The following SH3BGRL variants were observed in gnomAD, a reference collection of about 807,000 sequenced individuals.
SH3BGRL encodes the protein adapter SH3BGRL.
A neutral mutation model predicts 9.8 loss-of-function variants in SH3BGRL; 7 were observed. The observed-to-expected ratio is 0.72, with a 90% CI of 0.41 to 1.35. SH3BGRL has a LOEUF of 1.35. Ranked by LOEUF, SH3BGRL falls within the 40% of genes most tolerant of loss-of-function variation. SH3BGRL has a pLI of 0.01. For missense variants in SH3BGRL, 73 were observed against 84.4 expected (o/e 0.86, Z 0.53); for synonymous variants, 36 against 29.1 (o/e 1.24, Z -0.76).
At chrX:81,204,308 A>C (rs2075539166) in intron 1 of SH3BGRL, among the ~76,000 whole-genome samples, 1 of 112,179 alleles carries the variant, frequency 8.9e-6, no homozygotes, top group South Asian at 3.6e-4. Flanking sequence ...AAACAGTGTA[A>C]AGTGAGTACT....
chrX:81,219,913 A>G (rs1262126905), intron 1 of SH3BGRL, among the ~76,000 whole-genome samples: 1 of 111,640 alleles, frequency 9.0e-6, no homozygotes, highest in Non-Finnish European at 1.9e-5. Context: ...GATATGATGT[A>G]TTACATTGAT....
chrX:81,276,891 A>G (rs1260180242), intron 1 of SH3BGRL, 93 bp from the exon 2 acceptor site: 16 of 742,847 alleles, frequency 2.2e-5, no homozygotes, highest in Non-Finnish European at 3.1e-5. Context: ...TGAAACCACA[A>G]TCTTTGTTCT....
intron 1 of SH3BGRL, among the ~76,000 whole-genome samples, chrX:81,256,712 C>A (rs747540864): frequency 1.8e-5 from 2 of 112,324 alleles, no homozygotes; most frequent in African/African-American, 6.5e-5. Context: ...GATCGTGCTA[C>A]CTAGCAACTA....
At chrX:81,247,500 G>A (rs930522346) in intron 1 of SH3BGRL, among the ~76,000 whole-genome samples, 1 of 111,554 alleles carries the variant, frequency 9.0e-6, no homozygotes, top group African/African-American at 3.3e-5. Flanking sequence ...AGTTTCTTGA[G>A]GGTTTTTATC....
intron 3 of SH3BGRL, among the ~76,000 whole-genome samples, chrX:81,290,510 T>C (rs772879159): frequency 1.3e-4 from 14 of 111,097 alleles, no homozygotes; most frequent in Middle Eastern, 4.6e-3. Context: ...CACTTATTTG[T>C]GGGATCTAAA....
At chrX:81,262,377 G>A (rs1304860435) in intron 1 of SH3BGRL, among the ~76,000 whole-genome samples, 1 of 111,346 alleles carries the variant, frequency 9.0e-6, no homozygotes, top group African/African-American at 3.3e-5. Flanking sequence ...TCTTCTTTGT[G>A]GTATTTGTCC....
intron 3 of SH3BGRL, among the ~76,000 whole-genome samples, chrX:81,288,592 C>T (rs2075845589): frequency 8.9e-6 from 1 of 112,362 alleles, no homozygotes; most frequent in Admixed American, 9.4e-5. Context: ...AGTAAAGTTG[C>T]AGGATGCAAA....
chrX:81,252,426 A>G (rs905526141), intron 1 of SH3BGRL, among the ~76,000 whole-genome samples: 12 of 112,038 alleles, frequency 1.1e-4, no homozygotes, highest in African/African-American at 3.9e-4. Flanking sequence ...AAATCATTCC[A>G]GTTGTGCATA....
intron 1 of SH3BGRL, among the ~76,000 whole-genome samples, chrX:81,206,043 T>TA (rs1008939137): frequency 8.9e-6 from 1 of 111,918 alleles, no homozygotes; most frequent in African/African-American, 3.2e-5. Context: ...ATTTGCCATT[T>TA]AAAAAAATTG....
At chrX:81,244,377 C>T (rs983049104) in intron 1 of SH3BGRL, among the ~76,000 whole-genome samples, 6 of 111,737 alleles carry the variant, frequency 5.4e-5, no homozygotes, top group African/African-American at 2.0e-4. Flanking sequence ...TGACAGGGTA[C>T]ATTTCTATGA....
At chrX:81,245,411 G>C (rs1353253490) in intron 1 of SH3BGRL, among the ~76,000 whole-genome samples, 1 of 111,478 alleles carries the variant, frequency 9.0e-6, no homozygotes, top group African/African-American at 3.3e-5. Context: ...ATATAGGTAT[G>C]TATATATTTT....
chrX:81,271,363 C>T lies in SH3BGRL; in HGVS notation c.46-5621C>T, dbSNP rs1402604079. On this transcript the variant is annotated intron_variant, in intron 1 of 3. Transcript: ENST00000373212. ...CTGCGAGTTGTAGACCAGAGCTGTT[C>T]CTGTTTGGCCATCTTGGAAGTGATC... 7.1e-5 allele frequency among the ~76,000 whole-genome samples: 8 copies of T among 112,024 alleles called. No individual in the cohort carries two copies. The Admixed American group carries it at 7.6e-4, about 11-fold the overall frequency.
chrX:81,218,667 G>GTATA (rs762835108), intron 1 of SH3BGRL, among the ~76,000 whole-genome samples: 3 of 98,827 alleles, frequency 3.0e-5, no homozygotes, highest in Non-Finnish European at 6.1e-5. Flanking sequence ...ATATCTGTAT[G>GTATA]TATATATATA....
intron 1 of SH3BGRL, among the ~76,000 whole-genome samples, chrX:81,229,479 G>T (rs1352597494): frequency 9.0e-6 from 1 of 111,539 alleles, no homozygotes; most frequent in Non-Finnish European, 1.9e-5. Flanking sequence ...ATGTGAGCTT[G>T]GAGAATGATT....
chrX:81,278,323 T>C lies in SH3BGRL; in HGVS notation c.232-8T>C, dbSNP rs767170569. 7 of 1,153,685 alleles carry C rather than the reference T, an allele frequency of 6.1e-6. No individual in the cohort carries two copies. The highest frequency in any genetic ancestry group is 8.2e-6 in the Non-Finnish European group (7 of 854,370). ...ATTGCTAATTCATCTTATCTTCTTT[T>C]CATCAAGGACTATGATGCCTTCTTT... On this transcript the variant is annotated splice_region_variant and splice_polypyrimidine_tract_variant and intron_variant, in intron 2 of 3. Coordinates refer to ENST00000373212, the MANE Select transcript of SH3BGRL (RefSeq NM_003022.3).
intron 1 of SH3BGRL, among the ~76,000 whole-genome samples, chrX:81,249,208 A>G (rs1039454109): frequency 1.8e-5 from 2 of 112,770 alleles, no homozygotes; most frequent in Non-Finnish European, 3.7e-5. Context: ...GTCTCAGCTC[A>G]ATAAATAGTT....
At chrX:81,268,179 T>C (rs895600953) in intron 1 of SH3BGRL, among the ~76,000 whole-genome samples, 5 of 111,377 alleles carry the variant, frequency 4.5e-5, no homozygotes, top group African/African-American at 1.6e-4. Flanking sequence ...CTGGATCCAC[T>C]AATTTTTTTT....
chrX:81,276,761 TG>T (rs2075799505), intron 1 of SH3BGRL, among the ~76,000 whole-genome samples: 1 of 109,414 alleles, frequency 9.1e-6, no homozygotes, highest in African/African-American at 3.4e-5. Flanking sequence ...AAATTTTCAA[TG>T]GAAAAAAAAA....
At chrX:81,202,389 T>A in intron 1 of SH3BGRL, 144 bp downstream of exon 1, 2 of 1,002,793 alleles carry the variant, frequency 2.0e-6, no homozygotes, top group Non-Finnish European at 2.5e-6. Context: ...TCTTCTTCCC[T>A]TTTTTCCCTT....
Sources: allele counts gnomAD v4.1 joint callset (sites outside exome capture counted in the v4.1 genomes callset), GRCh38; gene constraint gnomAD v4.1.1; transcripts MANE v1.5; gene names NCBI Gene and HGNC (gene_info 2026-07-23, HGNC 2026-07-21).